SLC9C1: variants seen among roughly 807,000 people sequenced by gnomAD.
SLC9C1 encodes the protein solute carrier family 9 member C1.
Under a neutral mutation model 140.9 loss-of-function variants are expected in SLC9C1, and 97 were observed. The observed-to-expected ratio is 0.69, with a 90% CI of 0.58 to 0.82. SLC9C1 has a LOEUF of 0.82. Among genes scored for constraint, SLC9C1 ranks in the 40% least tolerant of loss-of-function variants. The pLI is 0.00. For missense variants in SLC9C1, 1,340 were observed against 1,389.3 expected (o/e 0.96, Z 0.56); for synonymous variants, 440 against 442.6 (o/e 0.99, Z 0.07).
chr3:112,284,459 T>C (rs1303774736), intron 2 of SLC9C1, among the ~76,000 whole-genome samples: 2 of 152,208 alleles, frequency 1.3e-5, no homozygotes, highest in East Asian at 3.8e-4. Context: ...GAAGTCGGCA[T>C]GAATTGATGT....
chr3:112,285,337 C>T (rs1054175217), intron 2 of SLC9C1, among the ~76,000 whole-genome samples: 1 of 152,028 alleles, frequency 6.6e-6, no homozygotes, highest in African/African-American at 2.4e-5. Context: ...CTCCCAGGCT[C>T]GAGCGATCCT....
At chr3:112,198,127 C>T (rs908988204) in intron 20 of SLC9C1, among the ~76,000 whole-genome samples, 5 of 151,922 alleles carry the variant, frequency 3.3e-5, no homozygotes, top group African/African-American at 1.2e-4. Flanking sequence ...TCTACAGAAA[C>T]ATGTATTCAG....
At chr3:112,222,359 T>C (rs4682373) in intron 13 of SLC9C1, among the ~76,000 whole-genome samples, 114,820 of 151,996 alleles carry the variant, frequency 0.76, 43,769 homozygotes, top group East Asian at 0.99. Flanking sequence ...AAGAAGAACT[T>C]GGAAGATATT....
At chr3:112,206,868 TA>T (rs59196168) in intron 16 of SLC9C1, among the ~76,000 whole-genome samples, 111,284 of 147,310 alleles carry the variant, frequency 0.76, 42,520 homozygotes, top group East Asian at 0.99. Flanking sequence ...GGGGGAGGGA[TA>T]AGCAGTAGGA....
chr3:112,230,801 C>G (rs779473873), intron 13 of SLC9C1, among the ~76,000 whole-genome samples: 15 of 152,140 alleles, frequency 9.9e-5, no homozygotes, highest in South Asian at 4.1e-4. Flanking sequence ...AAAATGAAAA[C>G]TAGCCTATTA....
intron 1 of SLC9C1, among the ~76,000 whole-genome samples, chr3:112,290,724 T>C (rs1017716736): frequency 2.0e-5 from 3 of 152,202 alleles, no homozygotes; most frequent in African/African-American, 4.8e-5. Flanking sequence ...GCTTTATGAA[T>C]CTGGGTGCTC....
Position 112,221,131 on chromosome 3 carries a change from C to A in SLC9C1, c.1667G>T (p.Gly556Val), listed in dbSNP as rs539696882. ...GAAESFGEKK[G>V]KCMSLDTIKN... ...CATCTCTTGAGAATATACTTACTTTCCCTTCTTCTCACCAAAACTTTCTGC... is the reference window on the plus strand; with the variant it reads ...CATCTCTTGAGAATATACTTACTTTACCTTCTTCTCACCAAAACTTTCTGC... Residue 556 changes from glycine to valine, a missense_variant, in exon 14 of 29, where the codon GGA becomes GTA. Transcript: ENST00000305815. The A allele has an allele frequency of 6.2e-7, 1 of 1,612,404 alleles. No individual in the cohort carries two copies. The highest frequency in any genetic ancestry group is 1.1e-5 in the South Asian group (1 of 91,010).
At chr3:112,212,612 G>C (rs1200890082) in intron 15 of SLC9C1, among the ~76,000 whole-genome samples, 1 of 152,172 alleles carries the variant, frequency 6.6e-6, no homozygotes, top group Non-Finnish European at 1.5e-5. Context: ...ATCAGTGATT[G>C]AAGATCAAAT....
intron 7 of SLC9C1, among the ~76,000 whole-genome samples, chr3:112,267,760 C>A (rs9858911): frequency 0.59 from 89,815 of 151,600 alleles, 27,103 homozygotes; most frequent in East Asian, 0.79. Flanking sequence ...TTATTTTAGT[C>A]CTGGCTGAAA....
At chr3:112,224,657 A>G (rs772198034) in intron 13 of SLC9C1, among the ~76,000 whole-genome samples, 20 of 152,006 alleles carry the variant, frequency 1.3e-4, no homozygotes, top group South Asian at 2.1e-4. Context: ...AAAAAATACA[A>G]TTGAGAGCTT....
At chr3:112,161,237 G>A (rs2075289121) in intron 26 of SLC9C1, among the ~76,000 whole-genome samples, 1 of 152,114 alleles carries the variant, frequency 6.6e-6, no homozygotes, top group Non-Finnish European at 1.5e-5. Flanking sequence ...TCACTCTGAT[G>A]GTAGTTTCTT....
intron 12 of SLC9C1, among the ~76,000 whole-genome samples, chr3:112,237,523 CGTTA>C (rs764785447): frequency 6.6e-6 from 1 of 152,060 alleles, no homozygotes; most frequent in Non-Finnish European, 1.5e-5. Flanking sequence ...TTATTTTGCT[CGTTA>C]GTTGATGCAG....
chr3:112,267,704 T>C (rs1299363587), intron 7 of SLC9C1, among the ~76,000 whole-genome samples: 2 of 152,108 alleles, frequency 1.3e-5, no homozygotes, highest in Non-Finnish European at 2.9e-5. Flanking sequence ...TATTACATTA[T>C]TGAGTTTTCC....
chr3:112,276,813 T>C (rs2080226926), intron 5 of SLC9C1, among the ~76,000 whole-genome samples: 1 of 152,042 alleles, frequency 6.6e-6, no homozygotes, highest in African/African-American at 2.4e-5. Flanking sequence ...GGTTGGATGG[T>C]GGATGTTGGC....
intron 14 of SLC9C1, among the ~76,000 whole-genome samples, chr3:112,220,878 G>A (rs146973507): frequency 6.6e-6 from 1 of 152,190 alleles, no homozygotes; most frequent in African/African-American, 2.4e-5. Flanking sequence ...ACAAAAGAAA[G>A]TTTCAGTCAG....
chr3:112,204,506 C>A, intron 16 of SLC9C1, 103 bp from the exon 17 acceptor site: 1 of 1,229,644 alleles, frequency 8.1e-7, no homozygotes, highest in Non-Finnish European at 1.1e-6. Context: ...CTCTTATCTA[C>A]TCCACATGTA....
At chr3:112,187,726 C>T (rs1296937171) in intron 20 of SLC9C1, among the ~76,000 whole-genome samples, 1 of 151,346 alleles carries the variant, frequency 6.6e-6, no homozygotes, top group East Asian at 1.9e-4. Context: ...CTAAGGCTTC[C>T]TTCATTTTCC....
chr3:112,238,457 C>T (rs553949453), intron 12 of SLC9C1, among the ~76,000 whole-genome samples: 9 of 152,322 alleles, frequency 5.9e-5, no homozygotes, highest in East Asian at 3.9e-4. Context: ...TCTCTCAACT[C>T]GTCATATTCA....
intron 10 of SLC9C1, among the ~76,000 whole-genome samples, chr3:112,259,848 T>C (rs1186174395): frequency 1.3e-5 from 2 of 152,182 alleles, no homozygotes; most frequent in Non-Finnish European, 2.9e-5. Flanking sequence ...CTTTCACTAT[T>C]AATTATGTTG....
Sources: allele counts gnomAD v4.1 joint callset (sites outside exome capture counted in the v4.1 genomes callset), GRCh38; gene constraint gnomAD v4.1.1; transcripts MANE v1.5; gene names NCBI Gene and HGNC (gene_info 2026-07-23, HGNC 2026-07-21).